RAB30: variants seen among roughly 807,000 people sequenced by gnomAD.
RAB30 encodes RAB30, member RAS oncogene family, also known as ras-related protein Rab-30.
A neutral mutation model predicts 25.1 loss-of-function variants in RAB30; 9 were observed. The ratio of observed to expected loss-of-function variants is 0.36; its 90% CI spans 0.22 to 0.63. RAB30 has a LOEUF of 0.63. RAB30 is among the 20% of genes least tolerant of loss of function. RAB30 has a pLI of 0.69. For synonymous variants in RAB30, 77 were observed against 86.4 expected (o/e 0.89, Z 0.60); for missense variants, 140 against 243.5 (o/e 0.58, Z 2.83).
chr11:82,980,491 C>T lies in RAB30; in HGVS notation c.*1674G>A, dbSNP rs1590829737. 3 of 152,314 alleles carry T rather than the reference C, an allele frequency of 2.0e-5. No homozygotes were observed. Among genetic ancestry groups the T allele is most frequent in the Admixed American group, 2.0e-4 (3 of 15,300 alleles). The allele number at this position is 152,314 out of a possible 1,614,324, so 9.4% of individuals were successfully genotyped here. ...TCTTTACAATTAAATAGCTTTCAAA[C>T]ATCAACATATCAGAACTGAGATTGT... is the stretch of plus-strand genomic sequence containing the variant. On this transcript the variant is annotated 3_prime_UTR_variant, in exon 5 of 5. Coordinates refer to ENST00000527633, the MANE Select transcript of RAB30 (RefSeq NM_001286060.2).
Position 82,974,024 on chromosome 11 carries a change from T to C in RAB30, c.*8141A>G, listed in dbSNP as rs760745788. 2 of 152,216 alleles carry C rather than the reference T, an allele frequency of 1.3e-5. No homozygotes were observed. The highest frequency in any genetic ancestry group is 2.9e-5 in the Non-Finnish European group (2 of 68,038). 9.4% of individuals were successfully genotyped at this position (152,216 alleles called of 1,614,324 possible). A position where few individuals can be genotyped will look rare whatever the true frequency, so the allele number is the denominator to read the frequency against. Reference sequence around the variant, plus strand: ...CACAAAAGGCCACATGTTGTTTGACTATATGAAATGTCCAGGATAGGCAAA... The same window carrying C: ...CACAAAAGGCCACATGTTGTTTGACCATATGAAATGTCCAGGATAGGCAAA... On this transcript the variant is annotated 3_prime_UTR_variant, in exon 5 of 5. Coordinates refer to ENST00000527633, the MANE Select transcript of RAB30 (RefSeq NM_001286060.2).
rs2121416146 is a variant in RAB30 at position 82,975,392 on chromosome 11, T to C, written c.*6773A>G. 6.6e-6 allele frequency: 1 copy of C among 152,326 alleles called. No homozygotes were observed. Among genetic ancestry groups the C allele is most frequent in the South Asian group, 2.1e-4 (1 of 4,830 alleles). The allele number at this position is 152,326 out of a possible 1,614,324, so 9.4% of individuals were successfully genotyped here. A position where few individuals can be genotyped will look rare whatever the true frequency, so the allele number is the denominator to read the frequency against. ...AAAAACTGTGCATTATTCAACCAGC[T>C]AGTGACAAATTATCTTAACAAAGTA... is the stretch of plus-strand genomic sequence containing the variant. On this transcript the variant is annotated 3_prime_UTR_variant, in exon 5 of 5. Coordinates refer to ENST00000527633, the MANE Select transcript of RAB30 (RefSeq NM_001286060.2).
At chr11:83,015,616 G>C (rs1314530671) in intron 1 of RAB30, among the ~76,000 whole-genome samples, 1 of 152,162 alleles carries the variant, frequency 6.6e-6, no homozygotes, top group Non-Finnish European at 1.5e-5. Context: ...AGGGTCACTA[G>C]CAAATGGATG....
chr11:83,046,042 A>G (rs1858226008), intron 1 of RAB30, among the ~76,000 whole-genome samples: 1 of 152,256 alleles, frequency 6.6e-6, no homozygotes, highest in African/African-American at 2.4e-5. Flanking sequence ...CTGGTGAAAC[A>G]AAGCAACTGC....
chr11:83,026,693 G>A (rs921955818), intron 1 of RAB30, among the ~76,000 whole-genome samples: 19 of 151,956 alleles, frequency 1.3e-4, no homozygotes, highest in African/African-American at 4.4e-4. Flanking sequence ...AATAGGATAG[G>A]GCAAGATTGA....
At chr11:83,036,773 G>T (rs1857996828) in intron 1 of RAB30, among the ~76,000 whole-genome samples, 1 of 152,206 alleles carries the variant, frequency 6.6e-6, no homozygotes. Context: ...CCAGGCATTT[G>T]CAAAGCTAGG....
chr11:83,027,970 C>T (rs1157961089), intron 1 of RAB30, among the ~76,000 whole-genome samples: 1 of 152,034 alleles, frequency 6.6e-6, no homozygotes, highest in African/African-American at 2.4e-5. Context: ...TTTTTTCCTC[C>T]CCCTCTTAAT....
chr11:83,013,960 G>C (rs542000392), intron 1 of RAB30, among the ~76,000 whole-genome samples: 1 of 152,286 alleles, frequency 6.6e-6, no homozygotes, highest in African/African-American at 2.4e-5. Context: ...CCATTTTACA[G>C]GTGAGAAAAA....
chr11:83,056,675 C>T (rs1858465504), intron 1 of RAB30, among the ~76,000 whole-genome samples: 1 of 152,186 alleles, frequency 6.6e-6, no homozygotes, highest in Admixed American at 6.5e-5. Flanking sequence ...AGCACAGACT[C>T]TGCAGTAAGA....
intron 1 of RAB30, among the ~76,000 whole-genome samples, chr11:83,019,875 G>A (rs766589713): frequency 6.6e-6 from 1 of 152,290 alleles, no homozygotes; most frequent in African/African-American, 2.4e-5. Context: ...AATGACTTTG[G>A]GCAAGTCATT....
intron 1 of RAB30, among the ~76,000 whole-genome samples, chr11:83,039,993 T>C (rs1045703515): frequency 6.6e-6 from 1 of 152,096 alleles, no homozygotes. Flanking sequence ...GTAAGTAGTC[T>C]GATGAGGAGA....
intron 1 of RAB30, among the ~76,000 whole-genome samples, chr11:83,007,416 C>T (rs1002187276): frequency 2.6e-5 from 4 of 152,202 alleles, no homozygotes; most frequent in African/African-American, 7.2e-5. Context: ...AAAATCAAGA[C>T]AATCAAATAT....
chr11:82,990,264 A>C (rs1856824857), intron 3 of RAB30, among the ~76,000 whole-genome samples: 2 of 152,210 alleles, frequency 1.3e-5, no homozygotes, highest in South Asian at 4.1e-4. Flanking sequence ...GTTCTTTGAG[A>C]GCAAAGGCTG....
chr11:83,040,020 A>G (rs555754755), intron 1 of RAB30, among the ~76,000 whole-genome samples: 1 of 152,314 alleles, frequency 6.6e-6, no homozygotes, highest in African/African-American at 2.4e-5. Context: ...AAGACTGTTA[A>G]TAAGAGTATA....
chr11:83,028,056 C>G (rs1223366129), intron 1 of RAB30, among the ~76,000 whole-genome samples: 1 of 151,524 alleles, frequency 6.6e-6, no homozygotes, highest in South Asian at 2.1e-4. Context: ...CAGACCATGG[C>G]AAACACAAAA....
At chr11:83,036,713 CCT>C (rs1044483946) in intron 1 of RAB30, among the ~76,000 whole-genome samples, 4 of 152,110 alleles carry the variant, frequency 2.6e-5, no homozygotes, top group African/African-American at 9.7e-5. Flanking sequence ...TGGGATCAGG[CCT>C]CTCTGAGAAA....
At chr11:83,055,608 T>C (rs1161839637) in intron 1 of RAB30, among the ~76,000 whole-genome samples, 1 of 152,252 alleles carries the variant, frequency 6.6e-6, no homozygotes, top group East Asian at 1.9e-4. Flanking sequence ...AGGAGTGCTA[T>C]GATTTGAATG....
intron 1 of RAB30, among the ~76,000 whole-genome samples, chr11:83,016,357 T>C (rs1026274967): frequency 6.6e-6 from 1 of 152,210 alleles, no homozygotes; most frequent in African/African-American, 2.4e-5. Flanking sequence ...CTACAGGGGA[T>C]ATAATGTCAA....
At chr11:83,022,858 C>G (rs924275194) in intron 1 of RAB30, among the ~76,000 whole-genome samples, 2 of 151,872 alleles carry the variant, frequency 1.3e-5, no homozygotes, top group Non-Finnish European at 2.9e-5. Flanking sequence ...TATGTTGTAT[C>G]AAATGTCTTT....
Sources: gnomAD v4.1 joint callset for allele counts (sites outside exome capture counted in the v4.1 genomes callset) on GRCh38, gnomAD v4.1.1 for gene constraint, MANE v1.5 for transcripts, NCBI Gene and HGNC (gene_info 2026-07-23, HGNC 2026-07-21) for gene names.